Variants in DLG2 observed in about 807,000 individuals in gnomAD.
DLG2 encodes discs large MAGUK scaffold protein 2.
Under a neutral mutation model 132.5 loss-of-function variants are expected in DLG2, and 45 were observed. The observed-to-expected ratio is 0.34, with a 90% confidence interval of 0.27 to 0.44. DLG2 has a LOEUF of 0.44. Ranked by LOEUF, DLG2 falls within the 20% of genes least tolerant of loss-of-function variation. The probability of loss-of-function intolerance (pLI) is 1.00; values close to 1 mark genes in which losing one functional copy is unlikely to be tolerated. For missense variants in DLG2, 1,045 were observed against 1,196.9 expected (o/e 0.87, Z 1.87); for synonymous variants, 424 against 419.6 (o/e 1.01, Z -0.13).
intron 3 of DLG2, among the ~76,000 whole-genome samples, chr11:85,301,942 C>G (rs767053580): frequency 6.6e-6 from 1 of 152,188 alleles, no homozygotes; most frequent in Non-Finnish European, 1.5e-5. Flanking sequence ...TGGCTATTCT[C>G]TCTGTGTTAT....
chr11:85,393,371 GT>G (rs1306431768), intron 3 of DLG2, among the ~76,000 whole-genome samples: 5 of 152,144 alleles, frequency 3.3e-5, no homozygotes, highest in African/African-American at 1.2e-4. Flanking sequence ...TACACTGTTG[GT>G]GGGAATGTAA....
chr11:84,642,431 A>G (rs1390067624), intron 6 of DLG2, among the ~76,000 whole-genome samples: 1 of 152,152 alleles, frequency 6.6e-6, no homozygotes, highest in Admixed American at 6.5e-5. Context: ...GAGAAATTTT[A>G]AAGTGACGGA....
At chr11:84,937,699 C>T (rs1287417941) in intron 6 of DLG2, among the ~76,000 whole-genome samples, 2 of 152,060 alleles carry the variant, frequency 1.3e-5, no homozygotes, top group Non-Finnish European at 2.9e-5. Flanking sequence ...AGTTTGTAGG[C>T]AGACTGGTTA....
At chr11:84,725,374 T>A (rs756766585) in intron 6 of DLG2, among the ~76,000 whole-genome samples, 1 of 152,290 alleles carries the variant, frequency 6.6e-6, no homozygotes, top group South Asian at 2.1e-4. Context: ...ATTAGCTGTG[T>A]GATTTCAACC....
intron 6 of DLG2, chr11:84,890,986 C>T (rs2089288917): frequency 6.6e-6 from 1 of 152,196 alleles, no homozygotes; most frequent in Non-Finnish European, 1.5e-5. Context: ...AAGTCCAATT[C>T]TCAGGACTTT....
intron 9 of DLG2, among the ~76,000 whole-genome samples, chr11:84,134,036 C>T (rs1392967252): frequency 1.3e-5 from 2 of 151,998 alleles, no homozygotes; most frequent in African/African-American, 4.8e-5. Flanking sequence ...ACCCATTTTC[C>T]TTTCTTCCTT....
chr11:84,711,357 AGAGAGAGAGAGAGAGAGAGAGAGATC>A (rs1358348518), intron 6 of DLG2, among the ~76,000 whole-genome samples: 10 of 95,142 alleles, frequency 1.1e-4, no homozygotes, highest in African/African-American at 6.6e-4. Flanking sequence ...AGAGAGAGAG[AGAGAGAGAGAGAGAGAGAGAGAGATC>A]GATCGATCTA....
At chr11:83,548,637 A>G (rs2096298450) in intron 19 of DLG2, among the ~76,000 whole-genome samples, 1 of 152,162 alleles carries the variant, frequency 6.6e-6, no homozygotes, top group Non-Finnish European at 1.5e-5. Flanking sequence ...ATGTAATTCC[A>G]TCTCATTGAA....
chr11:84,628,107 C>CACAT (rs369579137), intron 6 of DLG2, among the ~76,000 whole-genome samples: 4 of 149,906 alleles, frequency 2.7e-5, no homozygotes, highest in East Asian at 2.0e-4. Context: ...TATATACACA[C>CACAT]ATATATATAT....
chr11:83,540,573 G>A lies in DLG2; in HGVS notation c.2117+1109C>T, dbSNP rs143514960. 1.3e-3 allele frequency among the ~76,000 whole-genome samples: 191 copies of A among 152,172 alleles called. 1 individual carries two copies. Among genetic ancestry groups the A allele is most frequent in the African/African-American group, 4.5e-3 (186 of 41,510 alleles). ...TGTCCCATTCTTTCCCAGGCTGTGC[G>A]ACCACAGGCAGAGAGAAGAGAGGAT... is the stretch of plus-strand genomic sequence containing the variant. On this transcript the variant is annotated intron_variant, in intron 20 of 27. Transcript: ENST00000376104.
At chr11:83,943,760 T>A (rs1415593836) in intron 14 of DLG2, among the ~76,000 whole-genome samples, 1 of 152,228 alleles carries the variant, frequency 6.6e-6, no homozygotes, top group African/African-American at 2.4e-5. Context: ...ACATATTTAC[T>A]GCCCTTAGAA....
chr11:84,548,644 T>C (rs1592107502), intron 6 of DLG2, among the ~76,000 whole-genome samples: 2 of 152,166 alleles, frequency 1.3e-5, no homozygotes, highest in Admixed American at 1.3e-4. Flanking sequence ...TATTCCATGG[T>C]GTATATGTGC....
intron 7 of DLG2, among the ~76,000 whole-genome samples, chr11:84,336,127 G>T (rs367885818): frequency 1.3e-5 from 2 of 152,118 alleles, no homozygotes; most frequent in African/African-American, 4.8e-5. Flanking sequence ...TTTTGGGGGG[G>T]CCCATGCTTT....
chr11:85,285,649 G>T (rs1467257707), intron 3 of DLG2, among the ~76,000 whole-genome samples: 1 of 151,880 alleles, frequency 6.6e-6, no homozygotes, highest in Non-Finnish European at 1.5e-5. Flanking sequence ...CAGTAATAAG[G>T]AATGAGCTAT....
chr11:84,439,304 T>A (rs974942489), intron 7 of DLG2, among the ~76,000 whole-genome samples: 3 of 152,220 alleles, frequency 2.0e-5, no homozygotes, highest in Admixed American at 1.3e-4. Flanking sequence ...TATGAGTCTA[T>A]GATCATTATT....
chr11:84,358,145 A>G (rs1051227258), intron 7 of DLG2, among the ~76,000 whole-genome samples: 2 of 152,026 alleles, frequency 1.3e-5, no homozygotes, highest in African/African-American at 4.8e-5. Context: ...AAACACATAC[A>G]TGTGTGCAGG....
At chr11:85,500,539 A>C (rs1421981869) in intron 3 of DLG2, among the ~76,000 whole-genome samples, 1 of 43,012 alleles carries the variant, frequency 2.3e-5, no homozygotes, top group East Asian at 3.5e-4. Context: ...CTTAGAGTAT[A>C]ATAAAAAAAA....
intron 6 of DLG2, among the ~76,000 whole-genome samples, chr11:85,030,256 T>C (rs1302470901): frequency 6.6e-6 from 1 of 152,216 alleles, no homozygotes; most frequent in African/African-American, 2.4e-5. Flanking sequence ...TGGGTTTTGG[T>C]TGTTGCTTCA....
At chr11:83,502,148 C>T (rs1036834428) in intron 21 of DLG2, among the ~76,000 whole-genome samples, 1 of 152,128 alleles carries the variant, frequency 6.6e-6, no homozygotes, top group Non-Finnish European at 1.5e-5. Flanking sequence ...AAGTGCTTTC[C>T]ACATATCAAG....
Sources: allele counts gnomAD v4.1 joint callset (sites outside exome capture counted in the v4.1 genomes callset), GRCh38; gene constraint gnomAD v4.1.1; transcripts MANE v1.5; gene names NCBI Gene and HGNC (gene_info 2026-07-23, HGNC 2026-07-21).